Variants in CFAP206 observed in about 807,000 individuals in gnomAD.
CFAP206 encodes cilia- and flagella-associated protein 206.
A neutral mutation model predicts 65.4 loss-of-function variants in CFAP206; 53 were observed. The ratio of observed to expected loss-of-function variants is 0.81; its 90% confidence interval spans 0.65 to 1.02. CFAP206 has a LOEUF of 1.02. Ranked by LOEUF, CFAP206 falls within the 50% of genes least tolerant of loss-of-function variation. The pLI, the probability that CFAP206 is intolerant of heterozygous loss-of-function variation, is 0.00. For synonymous variants in CFAP206, 250 were observed against 254.4 expected (o/e 0.98, Z 0.17); for missense variants, 663 against 753.2 (o/e 0.88, Z 1.40).
chr6:87,453,956 T>A (rs1017108623), intron 11 of CFAP206, among the ~76,000 whole-genome samples: 1 of 151,982 alleles, frequency 6.6e-6, no homozygotes, highest in African/African-American at 2.4e-5. Flanking sequence ...TGAATGGATT[T>A]AAAAAAACAA....
In CFAP206 at chr6:87,414,275, G is replaced by A. The variant is rs118177647; in HGVS notation, c.283+375G>A. On this transcript the variant is annotated intron_variant, in intron 4 of 12. Transcript: ENST00000369562. ...ACTATTCAAAAATGAACGATGGGGAGTTTAAGTTTAGAAAACGTTTCAATA... is the reference window on the plus strand; with the variant it reads ...ACTATTCAAAAATGAACGATGGGGAATTTAAGTTTAGAAAACGTTTCAATA... Among the ~76,000 whole-genome samples, 1,098 of 152,282 alleles carry A rather than the reference G, an allele frequency of 7.2e-3. 11 individuals are homozygous for A. Among genetic ancestry groups the A allele is most frequent in the Non-Finnish European group, 9.6e-3 (650 of 68,022 alleles).
chr6:87,434,918 A>G lies in CFAP206; in HGVS notation c.1359A>G (p.Lys453=). Residue 453 remains lysine (K), a synonymous_variant, in exon 11 of 13, where the codon AAA becomes AAG. Transcript: ENST00000369562. ...AAAAATATTACACATTCAATAGTAA[A>G]GATGCTGCATATTCATTTGCAGAAA... is the stretch of plus-strand genomic sequence containing the variant. ...YKEKYYTFNS[K]DAAYSFAENP... 1 of 1,536,728 alleles carries G rather than the reference A, an allele frequency of 6.5e-7. No homozygotes were observed. The highest frequency in any genetic ancestry group is 8.9e-7 in the Non-Finnish European group (1 of 1,119,106).
rs1390888145 is a variant in CFAP206 at position 87,444,278 on chromosome 6, G to A, written c.1494+9225G>A. 7 of 204,078 alleles carry A rather than the reference G, an allele frequency of 3.4e-5. 1 individual carries two copies. The highest frequency in any genetic ancestry group is 2.2e-4 in the Admixed American group (5 of 22,478). The allele number at this position is 204,078 out of a possible 1,614,324, so 12.6% of individuals were successfully genotyped here. ...TAGAGGGGTGGGGATTATTCTCAAA[G>A]CACCCCAGTTCTCTTGATGAGAAGG... On this transcript the variant is annotated intron_variant, in intron 11 of 12. Coordinates refer to ENST00000369562, the MANE Select transcript of CFAP206 (RefSeq NM_001031743.3).
intron 11 of CFAP206, among the ~76,000 whole-genome samples, chr6:87,455,991 C>T (rs1054627119): frequency 2.0e-5 from 3 of 152,180 alleles, no homozygotes; most frequent in Non-Finnish European, 4.4e-5. Context: ...AGAGGGAATA[C>T]TTCCAAACTC....
Position 87,409,966 on chromosome 6 carries a change from G to C in CFAP206, c.108+19G>C. 1 of 1,535,344 alleles carries C rather than the reference G, an allele frequency of 6.5e-7. No homozygotes were observed. The highest frequency in any genetic ancestry group is 9.0e-7 in the Non-Finnish European group (1 of 1,113,956). ...TTTTATGGTAAGAAGAAATATTTTT[G>C]TGATTACTGTTTTATTAAGAGGTTT... On this transcript the variant is annotated intron_variant, in intron 2 of 12. Transcript: ENST00000369562.
intron 10 of CFAP206, among the ~76,000 whole-genome samples, chr6:87,431,797 C>G (rs1562247450): frequency 6.6e-6 from 1 of 152,100 alleles, no homozygotes; most frequent in Non-Finnish European, 1.5e-5. Context: ...CACAACATTA[C>G]TAAAAATATA....
At chr6:87,453,495 A>G (rs535326962) in intron 11 of CFAP206, among the ~76,000 whole-genome samples, 1 of 152,348 alleles carries the variant, frequency 6.6e-6, no homozygotes, top group Admixed American at 6.5e-5. Flanking sequence ...TAAAAGAATA[A>G]CCTATCAAAA....
intron 11 of CFAP206, among the ~76,000 whole-genome samples, chr6:87,455,963 CTT>C (rs1462491322): frequency 6.6e-6 from 1 of 152,152 alleles, no homozygotes; most frequent in African/African-American, 2.4e-5. Context: ...TACTCAAACT[CTT>C]TCAAAAAGTA....
intron 11 of CFAP206, among the ~76,000 whole-genome samples, chr6:87,446,583 G>A (rs1229462905): frequency 6.6e-6 from 1 of 152,178 alleles, no homozygotes; most frequent in Non-Finnish European, 1.5e-5. Flanking sequence ...GTACCATGCT[G>A]TTTTGGTTAC....
In CFAP206 at chr6:87,415,861, C is replaced by T. The variant is rs368747918; in HGVS notation, c.459C>T (p.Val153=). The change falls in exon 5 of 13, where the codon GTC becomes GTT. Residue 153 remains valine (V), a synonymous_variant. Transcript: ENST00000369562. ...GLGSPTDIKT[V]REVTAALQSV... ...GATCCCCTACAGACATCAAGACTGTCAGAGAGGTAACAGGTAAAAAGTATA... is the reference window on the plus strand; with the variant it reads ...GATCCCCTACAGACATCAAGACTGTTAGAGAGGTAACAGGTAAAAAGTATA... 3.8e-6 allele frequency: 6 copies of T among 1,566,044 alleles called. No individual in the cohort carries two copies. Among genetic ancestry groups the T allele is most frequent in the Non-Finnish European group, 5.2e-6 (6 of 1,157,564 alleles).
intron 7 of CFAP206, among the ~76,000 whole-genome samples, chr6:87,420,382 A>C (rs531403492): frequency 1.6e-4 from 25 of 152,332 alleles, no homozygotes; most frequent in Admixed American, 1.2e-3. Flanking sequence ...GCAATCATGA[A>C]TCCACCAACT....
Position 87,435,104 on chromosome 6 carries a change from A to C in CFAP206, c.1494+51A>C, listed in dbSNP as rs754435883. ...TTTATGACATTTAAAAATATAGTTA[A>C]TTTAAAAGTTGTATTTTGTTGTAGA... On this transcript the variant is annotated intron_variant, in intron 11 of 12. Transcript: ENST00000369562. 3.7e-6 allele frequency: 5 copies of C among 1,354,826 alleles called. No homozygotes were observed. In the Admixed American group the frequency reaches 8.7e-5, roughly 24 times the overall value. 83.9% of individuals were successfully genotyped at this position (1,354,826 alleles called of 1,614,324 possible).
Position 87,434,955 on chromosome 6 carries a change from T to C in CFAP206, c.1396T>C (p.Tyr466His), listed in dbSNP as rs202079963. The change falls in exon 11 of 13, where the codon TAT (tyrosine) becomes CAT (histidine). Residue 466 changes from tyrosine (Y) to histidine (H), a missense_variant. By Grantham distance (83) the Tyr-to-His change is moderately conservative (BLOSUM62 2). Coordinates refer to ENST00000369562, the MANE Select transcript of CFAP206 (RefSeq NM_001031743.3). ...TTCATTTGCAGAAAATCCTGAACAT[T>C]ATATTGACATAGTTAGAGAAAAGGC... ...AYSFAENPEH[Y>H]IDIVREKAKK... 3 of 1,587,768 alleles carry C rather than the reference T, an allele frequency of 1.9e-6. No individual in the cohort carries two copies. Among genetic ancestry groups the C allele is most frequent in the Non-Finnish European group, 2.6e-6 (3 of 1,158,590 alleles).
At chr6:87,449,271 C>T (rs1040498727) in intron 11 of CFAP206, among the ~76,000 whole-genome samples, 10 of 151,802 alleles carry the variant, frequency 6.6e-5, no homozygotes, top group South Asian at 2.1e-4. Flanking sequence ...CCCGTCTCTA[C>T]TAAAAAATAC....
chr6:87,442,453 T>G (rs1768375178), intron 11 of CFAP206, among the ~76,000 whole-genome samples: 1 of 152,150 alleles, frequency 6.6e-6, no homozygotes, highest in Admixed American at 6.6e-5. Context: ...CAGTACGTAC[T>G]GTGGAGGACT....
rs763755205 is a variant in CFAP206, at chr6:87,461,053, C to A, written c.1526C>A (p.Pro509Gln). Residue 509 changes from proline (P) to glutamine (Q), a missense_variant, in exon 12 of 13, where the codon CCA becomes CAA. Transcript: ENST00000369562. The part of the protein sequence containing the change: ...MRDADKHYIK[P>Q]ITKCESSTQT... ...GATGCTGACAAACATTATATAAAAC[C>A]AATTACAAAATGTGAAAGTAGCACA... is the stretch of plus-strand genomic sequence containing the variant. 1.9e-6 allele frequency: 3 copies of A among 1,586,672 alleles called. No homozygotes were observed. In the South Asian group the frequency reaches 3.5e-5, roughly 18 times the overall value.
At chr6:87,424,830 GATCT>G (rs978463940) in intron 7 of CFAP206, among the ~76,000 whole-genome samples, 4 of 152,154 alleles carry the variant, frequency 2.6e-5, no homozygotes, top group African/African-American at 7.2e-5. Flanking sequence ...AACATTCAGT[GATCT>G]ATTTAAATGT....
At chr6:87,428,952 T>C in intron 9 of CFAP206, 128 bp downstream of exon 9, 1 of 954,584 alleles carries the variant, frequency 1.0e-6, no homozygotes, top group African/African-American at 1.6e-5. Context: ...TATAAAGTAC[T>C]AATGAGGGCC....
At chr6:87,419,328 G>C (rs567099012) in intron 7 of CFAP206, among the ~76,000 whole-genome samples, 1 of 152,204 alleles carries the variant, frequency 6.6e-6, no homozygotes, top group South Asian at 2.1e-4. Flanking sequence ...TATCCCTAGA[G>C]AGTTGAAAAA....
Sources: allele counts gnomAD v4.1 joint callset (sites outside exome capture counted in the v4.1 genomes callset), GRCh38; gene constraint gnomAD v4.1.1; transcripts MANE v1.5; gene names NCBI Gene and HGNC (gene_info 2026-07-23, HGNC 2026-07-21).